Variants in RNF216 observed in about 807,000 individuals in gnomAD.
The protein encoded by RNF216 is ring finger protein 216, also known as E3 ubiquitin-protein ligase RNF216.
A neutral mutation model predicts 110.8 loss-of-function variants in RNF216; 72 were observed. The ratio of observed to expected loss-of-function variants is 0.65; its 90% CI spans 0.54 to 0.79. The LOEUF (loss-of-function observed/expected upper bound fraction) is 0.79. Among genes scored for constraint, RNF216 ranks in the 30% least tolerant of loss-of-function variants. The pLI is 0.00. For synonymous variants in RNF216, 495 were observed against 407.5 expected, an observed-to-expected ratio of 1.21 and a Z score of -2.59; for missense variants, 1,342 against 1,141.2, an observed-to-expected ratio of 1.18 and a Z score of -2.54.
At chr7:5,661,734 C>G (rs1244918527) in intron 13 of RNF216, among the ~76,000 whole-genome samples, 1 of 152,106 alleles carries the variant, frequency 6.6e-6, no homozygotes, top group African/African-American at 2.4e-5. Context: ...ACCTGGGAGG[C>G]AGAGGTTGCA....
intron 15 of RNF216, among the ~76,000 whole-genome samples, chr7:5,637,627 T>A (rs930114734): frequency 6.6e-6 from 1 of 151,994 alleles, no homozygotes; most frequent in Admixed American, 6.6e-5. Context: ...GCTCACTGCA[T>A]CCCTAACGTC....
At chr7:5,674,308 G>A (rs545538276) in intron 13 of RNF216, among the ~76,000 whole-genome samples, 110 of 152,132 alleles carry the variant, frequency 7.2e-4, no homozygotes, top group African/African-American at 2.4e-3. Flanking sequence ...GATTACAAGC[G>A]TAAGCCACTG....
intron 13 of RNF216, among the ~76,000 whole-genome samples, chr7:5,705,325 C>T (rs548296571): frequency 4.7e-4 from 71 of 152,266 alleles, no homozygotes; most frequent in African/African-American, 1.3e-3. Context: ...GTTTTGTAAA[C>T]AGCATCATCA....
At chr7:5,738,965 T>A (rs2128651067) in intron 5 of RNF216, among the ~76,000 whole-genome samples, 1 of 152,170 alleles carries the variant, frequency 6.6e-6, no homozygotes, top group Non-Finnish European at 1.5e-5. Flanking sequence ...CCAAGTGAAA[T>A]AAGCCAGTCA....
intron 5 of RNF216, among the ~76,000 whole-genome samples, chr7:5,738,252 G>A (rs532670396): frequency 6.6e-6 from 1 of 152,018 alleles, no homozygotes; most frequent in South Asian, 2.1e-4. Context: ...TAAGAGACAA[G>A]GTCCCACTCT....
chr7:5,643,509 C>T (rs569847998), intron 14 of RNF216, among the ~76,000 whole-genome samples: 5 of 152,106 alleles, frequency 3.3e-5, no homozygotes, highest in South Asian at 2.1e-4. Flanking sequence ...ATGCAGCCAG[C>T]GACAGCCCAG....
At position 5,770,758 on chromosome 7, in the gene RNF216, G is replaced by A. The variant is rs576555681; in HGVS notation, c.-69-9620C>T. ...ACACTAATTAAGACAATATTGTATT[G>A]ACAAAAGAAAAACAGACCAATGGAA... On this transcript the variant is annotated intron_variant, in intron 1 of 16. Transcript: ENST00000389902. 6.7e-5 allele frequency among the ~76,000 whole-genome samples: 10 copies of A among 150,328 alleles called. No homozygotes were observed. In the South Asian group the frequency reaches 1.9e-3, roughly 28 times the overall value.
intron 13 of RNF216, among the ~76,000 whole-genome samples, chr7:5,659,233 T>C (rs1429798404): frequency 2.0e-5 from 3 of 152,234 alleles, no homozygotes; most frequent in African/African-American, 7.2e-5. Flanking sequence ...CTGTCATTTG[T>C]ATGAGACACC....
At chr7:5,653,451 A>T (rs1284968383) in intron 13 of RNF216, among the ~76,000 whole-genome samples, 1 of 151,768 alleles carries the variant, frequency 6.6e-6, no homozygotes, top group African/African-American at 2.4e-5. Context: ...ACAAAAAAAA[A>T]TTAGCTGGGC....
At chr7:5,743,576 C>G (rs1030491902) in intron 3 of RNF216, among the ~76,000 whole-genome samples, 7 of 152,294 alleles carry the variant, frequency 4.6e-5, no homozygotes, top group African/African-American at 7.2e-5. Flanking sequence ...AAATCATACA[C>G]AGAATGATTC....
intron 1 of RNF216, among the ~76,000 whole-genome samples, chr7:5,780,522 T>C (rs906735604): frequency 2.3e-4 from 35 of 151,990 alleles, no homozygotes; most frequent in Non-Finnish European, 3.2e-4. Context: ...CACGGAGAAA[T>C]CCCGTCTCTA....
intron 5 of RNF216, among the ~76,000 whole-genome samples, chr7:5,738,920 T>A (rs1794593746): frequency 6.6e-6 from 1 of 152,046 alleles, no homozygotes; most frequent in Admixed American, 6.6e-5. Context: ...ATCACTAATG[T>A]CAGAACGAAC....
chr7:5,730,922 A>T lies in RNF216; in HGVS notation c.1122-105T>A, dbSNP rs989755205. Reference sequence around the variant, plus strand: ...AATATAGTCCTTAGTCACACATTACAACTGGCCTATCAAGAAATTAAGATG... The same window carrying T: ...AATATAGTCCTTAGTCACACATTACTACTGGCCTATCAAGAAATTAAGATG... On this transcript the variant is annotated intron_variant, in intron 5 of 16. Coordinates refer to ENST00000389902, the MANE Select transcript of RNF216 (RefSeq NM_207111.4). 4.1e-6 allele frequency: 6 copies of T among 1,475,994 alleles called. No homozygotes were observed. In the African/African-American group the frequency reaches 4.3e-5, roughly 11 times the overall value. 91.4% of individuals were successfully genotyped at this position (1,475,994 alleles called of 1,614,324 possible). A position where few individuals can be genotyped will look rare whatever the true frequency, so the allele number is the denominator to read the frequency against.
intron 13 of RNF216, among the ~76,000 whole-genome samples, chr7:5,683,933 G>A (rs1790812908): frequency 6.6e-6 from 1 of 152,076 alleles, no homozygotes; most frequent in Admixed American, 6.5e-5. Context: ...CATCACTTGT[G>A]TCTGGTGAGA....
rs1285181299 is a variant in RNF216 at position 5,728,887 on chromosome 7, T to C, written c.1389+545A>G. Among the ~76,000 whole-genome samples, 5 of 152,212 alleles carry C rather than the reference T, an allele frequency of 3.3e-5. No individual in the cohort carries two copies. In the East Asian group the frequency reaches 9.6e-4, roughly 29 times the overall value. On this transcript the variant is annotated intron_variant, in intron 7 of 16. Transcript: ENST00000389902. Reference sequence around the variant, plus strand: ...GCTACAAAGCAGGCACTGTGTGCTGTCCTTCATGGAAGACGCCTGTGTTAC... The same window carrying C: ...GCTACAAAGCAGGCACTGTGTGCTGCCCTTCATGGAAGACGCCTGTGTTAC...
intron 13 of RNF216, among the ~76,000 whole-genome samples, chr7:5,676,472 G>A (rs1322569593): frequency 2.0e-5 from 3 of 152,104 alleles, no homozygotes; most frequent in Non-Finnish European, 2.9e-5. Context: ...TGTCGCTGGG[G>A]AACCCCACCG....
chr7:5,639,904 C>T (rs1428482545), intron 15 of RNF216, among the ~76,000 whole-genome samples: 9 of 151,980 alleles, frequency 5.9e-5, no homozygotes, highest in African/African-American at 9.7e-5. Context: ...GGACTACAGG[C>T]GCCTGCCACC....
At chr7:5,719,585 T>C (rs1168375256) in intron 9 of RNF216, among the ~76,000 whole-genome samples, 1 of 152,178 alleles carries the variant, frequency 6.6e-6, no homozygotes, top group Non-Finnish European at 1.5e-5. Context: ...AATAAAAGAC[T>C]ACAATGAACT....
intron 8 of RNF216, among the ~76,000 whole-genome samples, chr7:5,723,651 A>T (rs1441984215): frequency 7.9e-5 from 12 of 152,244 alleles, no homozygotes; most frequent in South Asian, 6.2e-4. Flanking sequence ...CGTCTCAAAA[A>T]AAAAAAATAA....
Sources: allele counts gnomAD v4.1 joint callset (sites outside exome capture counted in the v4.1 genomes callset), GRCh38; gene constraint gnomAD v4.1.1; transcripts MANE v1.5; gene names NCBI Gene and HGNC (gene_info 2026-07-23, HGNC 2026-07-21).